The following MROH7 variants were observed in gnomAD, a reference collection of about 807,000 sequenced individuals.
MROH7 encodes the protein maestro heat-like repeat-containing protein family member 7.
In MROH7, 113 loss-of-function variants were observed where a neutral mutation model predicts 129.2. The ratio of observed to expected loss-of-function variants is 0.87; its 90% CI spans 0.75 to 1.02. MROH7 has a LOEUF of 1.02. MROH7 is among the 50% of genes least tolerant of loss of function. MROH7 has a pLI of 0.00. For missense variants in MROH7, 1,601 were observed against 1,671.3 expected (o/e 0.96, Z 0.73); for synonymous variants, 655 against 667.9 (o/e 0.98, Z 0.30).
At position 54,665,255 on chromosome 1, in the gene MROH7, C is replaced by CA. The variant is rs745912490; in HGVS notation, c.1305+17dup. 18 of 1,608,302 alleles carry CA rather than the reference C, an allele frequency of 1.1e-5. No homozygotes were observed. In the African/African-American group the frequency reaches 2.3e-4, roughly 20 times the overall value. ...ACATGGCTCTGGTATGCCTCCTGCC[C>CA]AACCCCTAGCTGACTGTGCTGGGAT... is the stretch of plus-strand genomic sequence containing the variant. On this transcript the variant is annotated intron_variant, in intron 4 of 23. Coordinates refer to ENST00000421030, the MANE Select transcript of MROH7 (RefSeq NM_001039464.4).
rs1219623188 is a variant in MROH7 at position 54,710,253 on chromosome 1, G to C, written c.*66G>C. The C allele has an allele frequency of 6.4e-7, 1 of 1,550,588 alleles. No homozygotes were observed. ...CAGCCATGCTCCCTATAAATGTCAT[G>C]TGGCTTACCTCTCCATCTTGATTGT... On this transcript the variant is annotated 3_prime_UTR_variant, in exon 24 of 24. Coordinates refer to ENST00000421030, the MANE Select transcript of MROH7 (RefSeq NM_001039464.4).
chr1:54,655,694 T>A (rs1401023604), intron 3 of MROH7, among the ~76,000 whole-genome samples: 1 of 152,096 alleles, frequency 6.6e-6, no homozygotes, highest in Admixed American at 6.6e-5. Context: ...CTGTACATTT[T>A]AGAATGCATT....
At chr1:54,705,683 G>A (rs996412426) in intron 21 of MROH7, among the ~76,000 whole-genome samples, 2 of 152,060 alleles carry the variant, frequency 1.3e-5, no homozygotes, top group Admixed American at 1.3e-4. Context: ...TCATGTCCTC[G>A]GAGTGCAGCA....
At position 54,674,048 on chromosome 1, in the gene MROH7, G is replaced by C. The variant is rs919419703; in HGVS notation, c.1833G>C (p.Leu611=). The C allele has an allele frequency of 6.2e-7, 1 of 1,614,038 alleles. No homozygotes were observed. Among genetic ancestry groups the C allele is most frequent in the Non-Finnish European group, 8.5e-7 (1 of 1,180,042 alleles). Residue 611 remains leucine, a synonymous_variant, in exon 10 of 24, where the codon CTG becomes CTC. Coordinates refer to ENST00000421030, the MANE Select transcript of MROH7 (RefSeq NM_001039464.4). The part of the protein sequence containing the change: ...MPLGFPALGL[L]LGRLILHIGD... ...TGGGGTTCCCGGCGCTGGGGCTTCT[G>C]CTGGGGAGACTCATCCTTCACATTG...
In MROH7 at chr1:54,678,740, A is replaced by G. The variant is rs767085710; in HGVS notation, c.1937-2A>G. 1.2e-5 allele frequency: 20 copies of G among 1,608,788 alleles called. 1 individual carries two copies. In the South Asian group the frequency reaches 2.2e-4, roughly 18 times the overall value. ...CTCACTGAGAAGGTTCTCATCTTGC[A>G]GGAGCCAGAGATAAGGAAGAGACCA... On this transcript the variant is annotated splice_acceptor_variant, in intron 10 of 23. Coordinates refer to ENST00000421030, the MANE Select transcript of MROH7 (RefSeq NM_001039464.4). LOFTEE classifies it high-confidence loss of function.
chr1:54,695,914 GAGGGAGGGAGGCATC>G, intron 17 of MROH7: 1 of 302,430 alleles, frequency 3.3e-6, no homozygotes, highest in Non-Finnish European at 6.4e-6. Context: ...CAAGTGACTT[GAGGGAGGGAGGCATC>G]AGGGAGGGAG....
chr1:54,709,946 C>T lies in MROH7; in HGVS notation c.3731C>T (p.Ala1244Val), dbSNP rs753306208. The T allele has an allele frequency of 1.3e-5, 21 of 1,611,246 alleles. No homozygotes were observed. In the Admixed American group the frequency reaches 3.3e-4, roughly 26 times the overall value. Residue 1244 changes from alanine to valine, a missense_variant and splice_region_variant, in exon 24 of 24, where the codon GCT becomes GTT. Physicochemically the swap from Ala to Val is moderately conservative, Grantham distance 64 (BLOSUM62 0). Transcript: ENST00000421030. Reference sequence around the variant, plus strand: ...GGCTTCTCCCTTCCCCATGACGCAGCTCTGGATAACTTGAGACATGACCCA... The same window carrying T: ...GGCTTCTCCCTTCCCCATGACGCAGTTCTGGATAACTTGAGACATGACCCA... The part of the protein sequence containing the change: ...TEDRLNEVKA[A>V]LDNLRHDPEA...
chr1:54,700,291 C>G, intron 17 of MROH7, 30 bp from the exon 18 acceptor site: 2 of 1,613,816 alleles, frequency 1.2e-6, no homozygotes, highest in Non-Finnish European at 1.7e-6. Flanking sequence ...CCCCCTCAGC[C>G]TGGGAAGTAA....
chr1:54,672,998 T>C (rs1351795913), intron 7 of MROH7, 93 bp from the exon 8 acceptor site: 2 of 816,868 alleles, frequency 2.4e-6, no homozygotes, highest in Non-Finnish European at 4.0e-6. Flanking sequence ...GGGTCTTAAT[T>C]CCCCCTCCTC....
In MROH7 at chr1:54,679,198, A is replaced by AAAGCTCG. The variant is rs1170013728; in HGVS notation, c.2050-58_2050-52dup. 13 of 1,553,876 alleles carry AAAGCTCG rather than the reference A, an allele frequency of 8.4e-6. No homozygotes were observed. In the Admixed American group the frequency reaches 1.0e-4, roughly 12 times the overall value. ...AGGCAGTGTTTGTGCCTCTGTGCAC[A>AAAGCTCG]AAGCTCGAAGCTCAAAGCTCGGGCT... is the stretch of plus-strand genomic sequence containing the variant. On this transcript the variant is annotated intron_variant, in intron 11 of 23. Transcript: ENST00000421030.
chr1:54,673,869 G>T, intron 9 of MROH7, 64 bp downstream of exon 9: 7 of 1,531,234 alleles, frequency 4.6e-6, no homozygotes, highest in East Asian at 2.2e-5. Flanking sequence ...GAAGGAGCCC[G>T]TACCTCTGTT....
At chr1:54,648,961 A>G (rs1003872713) in intron 1 of MROH7, among the ~76,000 whole-genome samples, 1 of 152,156 alleles carries the variant, frequency 6.6e-6, no homozygotes, top group African/African-American at 2.4e-5. Context: ...GTTCCTTGCA[A>G]TGGAGGAGAA....
intron 10 of MROH7, among the ~76,000 whole-genome samples, chr1:54,675,929 C>T (rs1027858700): frequency 3.3e-5 from 5 of 151,898 alleles, no homozygotes; most frequent in African/African-American, 1.2e-4. Context: ...CACCACCGCA[C>T]CCCGCCGAGG....
intron 7 of MROH7, among the ~76,000 whole-genome samples, 186 bp downstream of exon 7, chr1:54,671,115 C>T (rs576156157): frequency 3.3e-5 from 5 of 152,232 alleles, no homozygotes; most frequent in South Asian, 2.1e-4. Context: ...CAGCTGGGCG[C>T]GGTGGCTCAC....
At position 54,670,575 on chromosome 1, in the gene MROH7, AG is replaced by A. The variant is rs762442071; in HGVS notation, c.1469+1del. The A allele has an allele frequency of 3.1e-6, 5 of 1,612,136 alleles. No homozygotes were observed. The South Asian group carries it at 5.5e-5, about 18-fold the overall frequency. ...KQAMEILTQLSHTQPTLGMRE... is the reference protein window; with the variant it reads ...KQAMEILTQLXHTQPTLGMRE... ...GGCCATGGAGATCCTGACCCAGCTGAGGTGTCCATGGCCCTCTCCCTGTTCC... is the reference window on the plus strand; with the variant it reads ...GGCCATGGAGATCCTGACCCAGCTGAGTGTCCATGGCCCTCTCCCTGTTCC... On this transcript the variant is annotated frameshift_variant and splice_region_variant, in exon 6 of 24. Coordinates refer to ENST00000421030, the MANE Select transcript of MROH7 (RefSeq NM_001039464.4). LOFTEE classifies it high-confidence loss of function.
At chr1:54,665,408 CTTCT>C (rs1644797834) in intron 4 of MROH7, among the ~76,000 whole-genome samples, 168 bp downstream of exon 4, 1 of 152,256 alleles carries the variant, frequency 6.6e-6, no homozygotes, top group Non-Finnish European at 1.5e-5. Flanking sequence ...GTTTATTCAT[CTTCT>C]TTCTTGTTCA....
rs568172897 is a variant in MROH7, at chr1:54,674,906, C to G, written c.1936+755C>G. ...CTCCTATCGCTGCTTAGTGGTGTGA[C>G]CTCAGGTAATCACTTTGTGTAGGCC... On this transcript the variant is annotated intron_variant, in intron 10 of 23. Transcript: ENST00000421030. Among the ~76,000 whole-genome samples the G allele has an allele frequency of 2.0e-5, 3 of 152,244 alleles. No individual in the cohort carries two copies. In the South Asian group the frequency reaches 6.2e-4, roughly 32 times the overall value.
intron 17 of MROH7, 26 bp downstream of exon 17, chr1:54,695,516 A>G (rs1645307147): frequency 6.7e-7 from 1 of 1,495,984 alleles, no homozygotes; most frequent in Admixed American, 1.7e-5. Flanking sequence ...GCGGGTACAC[A>G]GCGGGAGCTC....
rs748539243 is a variant in MROH7 at position 54,686,437 on chromosome 1, C to T, written c.2700C>T (p.Phe900=). Reference sequence around the variant, plus strand: ...AGAAGGGTGCACAGCCCTCTCCCTTCGTACCTGTGCGGTATGCTCTGCCCT... The same window carrying T: ...AGAAGGGTGCACAGCCCTCTCCCTTTGTACCTGTGCGGTATGCTCTGCCCT... ...DTKKGAQPSP[F]VPVRWVVKVV... Residue 900 remains phenylalanine (F), a synonymous_variant, in exon 15 of 24, where the codon TTC becomes TTT. Coordinates refer to ENST00000421030, the MANE Select transcript of MROH7 (RefSeq NM_001039464.4). 18 of 1,613,814 alleles carry T rather than the reference C, an allele frequency of 1.1e-5. No homozygotes were observed. Among genetic ancestry groups the T allele is most frequent in the South Asian group, 9.9e-5 (9 of 91,068 alleles).
Sources: gnomAD v4.1 joint callset for allele counts (sites outside exome capture counted in the v4.1 genomes callset) on GRCh38, gnomAD v4.1.1 for gene constraint, MANE v1.5 for transcripts, NCBI Gene and HGNC (gene_info 2026-07-23, HGNC 2026-07-21) for gene names.